SDK1: variants seen among roughly 807,000 people sequenced by gnomAD.
SDK1 encodes the protein protein sidekick-1.
SDK1 carries 157 observed loss-of-function variants against 245.5 expected under a neutral mutation model. The ratio of observed to expected loss-of-function variants is 0.64; its 90% confidence interval spans 0.56 to 0.73. The LOEUF is 0.73. Among genes scored for constraint, SDK1 ranks in the 30% least tolerant of loss-of-function variants. SDK1 has a pLI of 0.00. For missense variants in SDK1, 3,583 were observed against 3,002.3 expected, an observed-to-expected ratio of 1.19 and a Z score of -4.52; for synonymous variants, 1,647 against 1,278.5, an observed-to-expected ratio of 1.29 and a Z score of -6.15.
chr7:3,912,216 C>T (rs781079794), intron 5 of SDK1, among the ~76,000 whole-genome samples: 20 of 152,146 alleles, frequency 1.3e-4, no homozygotes, highest in Non-Finnish European at 2.8e-4. Context: ...AGAGGATGAG[C>T]CAGTGGATCC....
At chr7:3,302,915 T>G (rs1779317066) in intron 1 of SDK1, among the ~76,000 whole-genome samples, 1 of 152,120 alleles carries the variant, frequency 6.6e-6, no homozygotes. Flanking sequence ...TTCTGTGTCC[T>G]GTGAAGATGA....
At chr7:3,742,137 CTT>C (rs796198123) in intron 4 of SDK1, among the ~76,000 whole-genome samples, 6 of 143,812 alleles carry the variant, frequency 4.2e-5, no homozygotes, top group South Asian at 2.2e-4. Flanking sequence ...CTCTGTTCCT[CTT>C]TTTTTTTTTA....
In SDK1 at chr7:4,266,933, G is replaced by A. The variant is rs919532204; in HGVS notation, c.*1549G>A. ...TGACCTGAGGGTAGGGGACAACTGA[G>A]CAGTATCTGACCAGTGCCACCCAGG... is the stretch of plus-strand genomic sequence containing the variant. On this transcript the variant is annotated 3_prime_UTR_variant, in exon 45 of 45. Transcript: ENST00000404826. The A allele has an allele frequency of 3.0e-6, 3 of 985,314 alleles. No homozygotes were observed. The highest frequency in any genetic ancestry group is 1.1e-4 in the East Asian group (1 of 8,810). 61.0% of individuals were successfully genotyped at this position (985,314 alleles called of 1,614,324 possible). A position where few individuals can be genotyped will look rare whatever the true frequency, so the allele number is the denominator to read the frequency against.
chr7:3,554,788 C>A (rs1286365670), intron 1 of SDK1, among the ~76,000 whole-genome samples: 1 of 151,932 alleles, frequency 6.6e-6, no homozygotes, highest in Non-Finnish European at 1.5e-5. Flanking sequence ...TTTGTCTATG[C>A]CAAAAACAAA....
intron 1 of SDK1, among the ~76,000 whole-genome samples, chr7:3,317,268 A>G (rs1286925399): frequency 6.6e-6 from 1 of 151,958 alleles, no homozygotes; most frequent in Non-Finnish European, 1.5e-5. Flanking sequence ...TTTTACATAA[A>G]AGATTATAGT....
intron 4 of SDK1, among the ~76,000 whole-genome samples, chr7:3,820,774 C>T (rs1356735764): frequency 2.6e-5 from 4 of 152,150 alleles, no homozygotes; most frequent in African/African-American, 7.2e-5. Flanking sequence ...GTGCATTAAA[C>T]GAGTCTCAGA....
intron 4 of SDK1, among the ~76,000 whole-genome samples, chr7:3,799,778 T>A (rs1289217809): frequency 6.6e-6 from 1 of 152,038 alleles, no homozygotes; most frequent in African/African-American, 2.4e-5. Context: ...TCTCTACCCT[T>A]GCCTGAGTTT....
chr7:3,676,009 A>C lies in SDK1; in HGVS notation c.713+33904A>C, dbSNP rs1583296537. On this transcript the variant is annotated intron_variant, in intron 4 of 44. Coordinates refer to ENST00000404826, the MANE Select transcript of SDK1 (RefSeq NM_152744.4). ...TGTAGGTTGTCTGTTTGCTCTATTG[A>C]GTTTCTTTTTTTGTGGCACTATCAC... Among the ~76,000 whole-genome samples, 20 of 151,922 alleles carry C rather than the reference A, an allele frequency of 1.3e-4. No individual in the cohort carries two copies. The South Asian group carries it at 4.2e-3, about 32-fold the overall frequency.
intron 17 of SDK1, among the ~76,000 whole-genome samples, chr7:4,036,565 G>T (rs1435911081): frequency 6.6e-6 from 1 of 152,060 alleles, no homozygotes; most frequent in Non-Finnish European, 1.5e-5. Flanking sequence ...CATTTTACAC[G>T]TACACGTTAG....
intron 1 of SDK1, among the ~76,000 whole-genome samples, chr7:3,489,874 G>A (rs1781816291): frequency 6.6e-6 from 1 of 152,162 alleles, no homozygotes; most frequent in South Asian, 2.1e-4. Flanking sequence ...CTGAATTATG[G>A]GATGCTGTAA....
intron 35 of SDK1, among the ~76,000 whole-genome samples, chr7:4,193,574 T>G (rs1193795582): frequency 2.6e-5 from 4 of 151,778 alleles, no homozygotes; most frequent in Non-Finnish European, 5.9e-5. Flanking sequence ...CATTCCAAGT[T>G]GCAGAGTCCC....
At position 3,796,572 on chromosome 7, in the gene SDK1, G is replaced by A. The variant is rs17133855; in HGVS notation, c.714-24878G>A. On this transcript the variant is annotated intron_variant, in intron 4 of 44. Transcript: ENST00000404826. ...ACCCCACCTGCTGGCTCCACTTTCA[G>A]TACATAGCCAGGCGCAACCACTTCT... Among the ~76,000 whole-genome samples, 723 of 152,192 alleles carry A rather than the reference G, an allele frequency of 4.8e-3. 13 individuals are homozygous for A. The highest frequency in any genetic ancestry group is 0.016 in the African/African-American group (670 of 41,524).
At chr7:4,229,421 T>C (rs1785616776) in intron 40 of SDK1, among the ~76,000 whole-genome samples, 1 of 152,206 alleles carries the variant, frequency 6.6e-6, no homozygotes, top group South Asian at 2.1e-4. Context: ...CCCAACATTT[T>C]TGAGTGTAAA....
chr7:4,017,230 T>G lies in SDK1; in HGVS notation c.2480T>G (p.Val827Gly). 4 of 1,613,762 alleles carry G rather than the reference T, an allele frequency of 2.5e-6. No individual in the cohort carries two copies. The highest frequency in any genetic ancestry group is 3.4e-6 in the Non-Finnish European group (4 of 1,179,916). The change falls in exon 17 of 45, where the codon GTG (valine) becomes GGG (glycine). Residue 827 changes from valine to glycine, a missense_variant. Physicochemically the swap from Val to Gly is moderately radical, Grantham distance 109. Coordinates refer to ENST00000404826, the MANE Select transcript of SDK1 (RefSeq NM_152744.4). Reference sequence around the variant, plus strand: ...CAGCGGAACATCACCAGCCCGGAGGTGAACTACTGCCTGGTGACAGACCTG... The same window carrying G: ...CAGCGGAACATCACCAGCCCGGAGGGGAACTACTGCCTGGTGACAGACCTG... ...YQQRNITSPE[V>G]NYCLVTDLII... is the part of the protein sequence containing the mutation.
At chr7:3,368,310 A>C (rs1442308053) in intron 1 of SDK1, among the ~76,000 whole-genome samples, 1 of 152,222 alleles carries the variant, frequency 6.6e-6, no homozygotes, top group Non-Finnish European at 1.5e-5. Context: ...TGCTATTGAC[A>C]TCAAAGTTAC....
At chr7:3,932,548 G>T (rs1780013742) in intron 5 of SDK1, among the ~76,000 whole-genome samples, 1 of 152,292 alleles carries the variant, frequency 6.6e-6, no homozygotes, top group Middle Eastern at 3.4e-3. Flanking sequence ...GGAAGCTGGG[G>T]CAGACGGGAA....
intron 1 of SDK1, among the ~76,000 whole-genome samples, chr7:3,441,411 C>G (rs1259105743): frequency 6.6e-6 from 1 of 151,912 alleles, no homozygotes; most frequent in Non-Finnish European, 1.5e-5. Flanking sequence ...CAAAAAAAAA[C>G]CAAAATCTCT....
chr7:3,826,241 A>T (rs1014544556), intron 5 of SDK1, among the ~76,000 whole-genome samples: 26 of 152,274 alleles, frequency 1.7e-4, no homozygotes, highest in African/African-American at 6.0e-4. Context: ...TTACTTATCA[A>T]TTCTAAGCAT....
intron 17 of SDK1, among the ~76,000 whole-genome samples, chr7:4,031,164 G>C (rs1035395836): frequency 6.6e-6 from 1 of 152,068 alleles, no homozygotes; most frequent in Non-Finnish European, 1.5e-5. Context: ...AGTATACATA[G>C]ATATGTTCTT....
Sources: allele counts gnomAD v4.1 joint callset (sites outside exome capture counted in the v4.1 genomes callset), GRCh38; gene constraint gnomAD v4.1.1; transcripts MANE v1.5; gene names NCBI Gene and HGNC (gene_info 2026-07-23, HGNC 2026-07-21).